The following CATSPERT variants were observed in gnomAD, a reference collection of about 807,000 sequenced individuals.
The protein encoded by CATSPERT is catsper channel auxiliary subunit tau, also known as cation channel sperm-associated targeting subunit tau.
At chr2:201,583,580 A>T in the CATSPERT span, among the ~76,000 whole-genome samples, 3 of 152,214 alleles carry the variant, frequency 2.0e-5, no homozygotes, top group Non-Finnish European at 4.4e-5. Flanking sequence ...TATATTTTTT[A>T]AAATATCTCA....
the CATSPERT span, among the ~76,000 whole-genome samples, chr2:201,580,144 C>A: frequency 6.6e-6 from 1 of 152,154 alleles, no homozygotes; most frequent in Non-Finnish European, 1.5e-5. Flanking sequence ...CTGCACCCAG[C>A]CAGGTTAAAC....
chr2:201,612,853 A>C, the CATSPERT span, among the ~76,000 whole-genome samples: 1 of 152,174 alleles, frequency 6.6e-6, no homozygotes, highest in Admixed American at 6.5e-5. Flanking sequence ...CTCCCACCCT[A>C]ATACTGCACT....
the CATSPERT span, among the ~76,000 whole-genome samples, chr2:201,523,946 T>A: frequency 3.4e-4 from 51 of 152,198 alleles, no homozygotes; most frequent in Middle Eastern, 3.4e-3. Flanking sequence ...AAAAAATTTT[T>A]AAAAATTAAG....
chr2:201,529,092 A>C, the CATSPERT span, among the ~76,000 whole-genome samples: 1 of 152,274 alleles, frequency 6.6e-6, no homozygotes, highest in African/African-American at 2.4e-5. Context: ...CACTGAGGAA[A>C]GAAAGAAGAT....
the CATSPERT span, chr2:201,550,381 CAACATAATTTA>C: frequency 6.6e-6 from 1 of 152,080 alleles, no homozygotes; most frequent in Non-Finnish European, 1.5e-5. Flanking sequence ...TTAGCTACAT[CAACATAATTTA>C]TCACTTTTTT....
chr2:201,600,700 T>C, the CATSPERT span, among the ~76,000 whole-genome samples: 1 of 151,848 alleles, frequency 6.6e-6, no homozygotes, highest in East Asian at 1.9e-4. Context: ...TCAACTAATG[T>C]AATAAATAAT....
At chr2:201,528,677 C>A in the CATSPERT span, among the ~76,000 whole-genome samples, 1 of 152,148 alleles carries the variant, frequency 6.6e-6, no homozygotes, top group Non-Finnish European at 1.5e-5. Context: ...CGAAATACTA[C>A]ATGTTCTCAC....
At chr2:201,612,702 C>G in the CATSPERT span, among the ~76,000 whole-genome samples, 1 of 151,940 alleles carries the variant, frequency 6.6e-6, no homozygotes, top group Non-Finnish European at 1.5e-5. Flanking sequence ...CTGGGTTCAT[C>G]TCACTGGGGC....
chr2:201,504,870 A>G, the CATSPERT span, among the ~76,000 whole-genome samples: 1 of 152,350 alleles, frequency 6.6e-6, no homozygotes, highest in East Asian at 1.9e-4. Context: ...CAAGTCAGAG[A>G]AGAGATAAAG....
chr2:201,608,926 C>T, the CATSPERT span, among the ~76,000 whole-genome samples: 1 of 150,142 alleles, frequency 6.7e-6, no homozygotes. Flanking sequence ...CAACTATATG[C>T]TGCCTATAAG....
the CATSPERT span, among the ~76,000 whole-genome samples, chr2:201,566,226 A>G: frequency 0.054 from 8,094 of 151,104 alleles, 261 homozygotes; most frequent in African/African-American, 0.076. Context: ...TTATTATTAT[A>G]CTTTAAGTTC....
At chr2:201,599,978 C>CA in the CATSPERT span, among the ~76,000 whole-genome samples, 1 of 152,022 alleles carries the variant, frequency 6.6e-6, no homozygotes, top group Non-Finnish European at 1.5e-5. Context: ...AACAAACAAA[C>CA]AACAACAACA....
the CATSPERT span, among the ~76,000 whole-genome samples, chr2:201,558,529 C>T: frequency 6.6e-6 from 1 of 152,224 alleles, no homozygotes; most frequent in Non-Finnish European, 1.5e-5. Flanking sequence ...TCAGATCAGC[C>T]TGGACACAGG....
At chr2:201,593,181 A>G in the CATSPERT span, among the ~76,000 whole-genome samples, 3 of 151,750 alleles carry the variant, frequency 2.0e-5, no homozygotes, top group South Asian at 2.1e-4. Flanking sequence ...GGTATGTTGT[A>G]TCTTTGTTCT....
At chr2:201,565,636 A>T in the CATSPERT span, 1 of 1,273,978 alleles carries the variant, frequency 7.8e-7, no homozygotes, top group African/African-American at 1.5e-5. Context: ...TAGCAAGCCT[A>T]TGTCTCAAAG....
At chr2:201,503,089 G>T in the CATSPERT span, among the ~76,000 whole-genome samples, 1 of 151,584 alleles carries the variant, frequency 6.6e-6, no homozygotes, top group East Asian at 1.9e-4. Flanking sequence ...TCATACTCAC[G>T]TTTCCTCTAC....
chr2:201,603,136 A>G, the CATSPERT span: 1 of 1,212,164 alleles, frequency 8.2e-7, no homozygotes, highest in Admixed American at 2.1e-5. Flanking sequence ...TTAAGCCACT[A>G]AGTTTTGGAA....
At chr2:201,488,316 A>G in the CATSPERT span, among the ~76,000 whole-genome samples, 12 of 152,308 alleles carry the variant, frequency 7.9e-5, no homozygotes, top group South Asian at 2.5e-3. Flanking sequence ...TCCGACCCCA[A>G]ATATAAATTA....
chr2:201,524,351 G>T, the CATSPERT span, among the ~76,000 whole-genome samples: 2 of 152,066 alleles, frequency 1.3e-5, no homozygotes, highest in Non-Finnish European at 2.9e-5. Context: ...TTCCAACCAG[G>T]AATTTTATAT....
Sources: gnomAD v4.1 joint callset for allele counts (sites outside exome capture counted in the v4.1 genomes callset) on GRCh38, gnomAD v4.1.1 for gene constraint, MANE v1.5 for transcripts, NCBI Gene and HGNC (gene_info 2026-07-23, HGNC 2026-07-21) for gene names.